The following KCNS1 variants were observed in gnomAD, a reference collection of about 807,000 sequenced individuals.
KCNS1 encodes potassium voltage-gated channel modifier subfamily S member 1.
KCNS1 carries 26 observed loss-of-function variants against 33.1 expected under a neutral mutation model. The observed-to-expected ratio is 0.79, with a 90% CI of 0.58 to 1.09. The LOEUF is 1.09. KCNS1 is among the 50% of genes least tolerant of loss of function. KCNS1 has a pLI of 0.00. For synonymous variants in KCNS1, 299 were observed against 338.8 expected (o/e 0.88, Z 1.29); for missense variants, 702 against 752.4 (o/e 0.93, Z 0.78).
Position 45,098,548 on chromosome 20 carries a change from C to A in KCNS1, c.224G>T (p.Arg75Leu). The change falls in exon 3 of 4, where the codon CGG (arginine) becomes CTG (leucine). Residue 75 changes from arginine (R) to leucine (L), a missense_variant. Transcript: ENST00000537075. This position sits in a 1 kb window ranked among gnomAD's most constrained non-coding sequence, Gnocchi z 5.2. ...ARALARFPGT[R>L]LGRLQAAASE... ...CGCCGCGGCCTGCAGGCGGCCCAGC[C>A]GCGTGCCCGGGAAGCGCGCCAGGGC... The A allele has an allele frequency of 2.1e-6, 3 of 1,424,896 alleles. No homozygotes were observed. Among genetic ancestry groups the A allele is most frequent in the Non-Finnish European group, 2.8e-6 (3 of 1,087,586 alleles). The allele number at this position is 1,424,896 out of a possible 1,614,324, so 88.3% of individuals were successfully genotyped here. A position where few individuals can be genotyped will look rare whatever the true frequency, so the allele number is the denominator to read the frequency against.
Position 45,098,789 on chromosome 20 carries a change from G to T in KCNS1, c.77-94C>A, listed in dbSNP as rs370688992. The T allele has an allele frequency of 3.7e-5, 43 of 1,152,466 alleles. No homozygotes were observed. In the African/African-American group the frequency reaches 5.2e-4, roughly 14 times the overall value. The allele number at this position is 1,152,466 out of a possible 1,614,324, so 71.4% of individuals were successfully genotyped here. A position where few individuals can be genotyped will look rare whatever the true frequency, so the allele number is the denominator to read the frequency against. ...CCCTCCTCCATCCAACCAGCCAAGG[G>T]GTGTTGGAGGCTGTGTGTGAAGCAT... is the stretch of plus-strand genomic sequence containing the variant. On this transcript the variant is annotated intron_variant, in intron 2 of 3. Coordinates refer to ENST00000537075, the MANE Select transcript of KCNS1 (RefSeq NM_001322799.2). The surrounding 1 kb of genome is among the most constrained non-coding windows in gnomAD (Gnocchi z 5.2).
rs1981118252 is a variant in KCNS1 at position 45,094,766 on chromosome 20, C to T, written c.*104G>A. 10 of 929,578 alleles carry T rather than the reference C, an allele frequency of 1.1e-5. No homozygotes were observed. The South Asian group carries it at 1.6e-4, about 15-fold the overall frequency. 57.6% of individuals were successfully genotyped at this position (929,578 alleles called of 1,614,324 possible). A position where few individuals can be genotyped will look rare whatever the true frequency, so the allele number is the denominator to read the frequency against. ...AATGCAGCTTTTGAATCTCATTTCT[C>T]AGGACAGCATGAGTGATCCTGGGAG... On this transcript the variant is annotated 3_prime_UTR_variant, in exon 4 of 4. Coordinates refer to ENST00000537075, the MANE Select transcript of KCNS1 (RefSeq NM_001322799.2).
At chr20:45,096,844 C>A (rs1981200536) in intron 3 of KCNS1, among the ~76,000 whole-genome samples, 1 of 152,252 alleles carries the variant, frequency 6.6e-6, no homozygotes, top group African/African-American at 2.4e-5. Context: ...GTGCCCTGCC[C>A]CGCTCGACTC....
chr20:45,095,065 G>A lies in KCNS1; in HGVS notation c.1386C>T (p.His462=), dbSNP rs778788520. The change falls in exon 4 of 4, where the codon CAC becomes CAT. Residue 462 remains histidine, a synonymous_variant. Transcript: ENST00000537075. ...CCAGAGCCTTCTGGCGCCGGTAGAA[G>A]TGGGAGAACTTGTTGAAGATGATGG... ...PITIIFNKFS[H]FYRRQKALEA... 4 of 1,614,092 alleles carry A rather than the reference G, an allele frequency of 2.5e-6. No individual in the cohort carries two copies. Among genetic ancestry groups the A allele is most frequent in the South Asian group, 2.2e-5 (2 of 91,086 alleles).
chr20:45,095,461 C>T (rs1041890547), intron 3 of KCNS1, 121 bp from the exon 4 acceptor site: 1 of 905,908 alleles, frequency 1.1e-6, no homozygotes, highest in Non-Finnish European at 1.6e-6. Context: ...CAAGATAGAG[C>T]TGGTGCTAAG....
intron 3 of KCNS1, among the ~76,000 whole-genome samples, chr20:45,095,665 C>A (rs780171421): frequency 1.6e-4 from 24 of 152,192 alleles, no homozygotes; most frequent in Non-Finnish European, 2.9e-4. Flanking sequence ...TGTTGCAGAA[C>A]CAAGAGAACC....
At position 45,098,667 on chromosome 20, in the gene KCNS1, C is replaced by A; in HGVS notation, c.105G>T (p.Glu35Asp). The A allele has an allele frequency of 2.1e-6, 3 of 1,452,374 alleles. No individual in the cohort carries two copies. Among genetic ancestry groups the A allele is most frequent in the South Asian group, 1.5e-5 (1 of 66,704 alleles). The allele number at this position is 1,452,374 out of a possible 1,614,324, so 90.0% of individuals were successfully genotyped here. ...GGRSTETFVS[E>D]FPGPDTGIRW... is the part of the protein sequence containing the mutation. ...GGATCCCGGTGTCGGGGCCCGGGAA[C>A]TCGCTCACAAAGGTTTCAGTGCTCC... The change falls in exon 3 of 4, where the codon GAG (glutamate) becomes GAT (aspartate). Residue 35 changes from glutamate to aspartate, a missense_variant. Glu to Asp is a conservative substitution (Grantham distance 45). This residue lies in a region of KCNS1 where 374 missense variants were observed against 352.3 expected (regional missense o/e 1.06). Coordinates refer to ENST00000537075, the MANE Select transcript of KCNS1 (RefSeq NM_001322799.2). The surrounding 1 kb of genome is among the most constrained non-coding windows in gnomAD (Gnocchi z 5.2).
Position 45,098,690 on chromosome 20 carries a change from T to G in KCNS1, c.82A>C (p.Ser28Arg). 1.4e-6 allele frequency: 2 copies of G among 1,423,636 alleles called. No homozygotes were observed. Among genetic ancestry groups the G allele is most frequent in the Non-Finnish European group, 1.8e-6 (2 of 1,091,802 alleles). The allele number at this position is 1,423,636 out of a possible 1,614,324, so 88.2% of individuals were successfully genotyped here. ...VVLPTPLGGR[S>R]TETFVSEFPG... Reference sequence around the variant, plus strand: ...AACTCGCTCACAAAGGTTTCAGTGCTCCTCCCTGCGGACACCAGAAGGGCG... The same window carrying G: ...AACTCGCTCACAAAGGTTTCAGTGCGCCTCCCTGCGGACACCAGAAGGGCG... The change falls in exon 3 of 4, where the codon AGC becomes CGC. Residue 28 changes from serine to arginine, a missense_variant. Physicochemically the swap from Ser to Arg is moderately radical, Grantham distance 110 (BLOSUM62 -1). Coordinates refer to ENST00000537075, the MANE Select transcript of KCNS1 (RefSeq NM_001322799.2). This position sits in a 1 kb window ranked among gnomAD's most constrained non-coding sequence, Gnocchi z 5.2.
In KCNS1 at chr20:45,091,852, G is replaced by A. The variant is rs1981008796; in HGVS notation, c.*3018C>T. Among the ~76,000 whole-genome samples, 1 of 152,160 alleles carries A rather than the reference G, an allele frequency of 6.6e-6. No homozygotes were observed. Among genetic ancestry groups the A allele is most frequent in the South Asian group, 2.1e-4 (1 of 4,834 alleles). On this transcript the variant is annotated 3_prime_UTR_variant, in exon 4 of 4. Coordinates refer to ENST00000537075, the MANE Select transcript of KCNS1 (RefSeq NM_001322799.2). ...CACCACAAACTAGAAGAGAAAAGGA[G>A]AGGGTTTCCCCCTGGAGTCTCCAGA... is the stretch of plus-strand genomic sequence containing the variant.
intron 1 of KCNS1, among the ~76,000 whole-genome samples, chr20:45,100,590 C>A (rs1981359121): frequency 6.6e-6 from 1 of 152,258 alleles, no homozygotes; most frequent in Admixed American, 6.5e-5. Flanking sequence ...GGTTGGAGAC[C>A]AGGTTTTTTT....
Position 45,093,074 on chromosome 20 carries a change from G to A in KCNS1, c.*1796C>T, listed in dbSNP as rs530036118. ...TCAGAGTGGCTGGGCATAACACAAC[G>A]GCATGTGTGTCTGTTTGTGGGTGGC... On this transcript the variant is annotated 3_prime_UTR_variant, in exon 4 of 4. Coordinates refer to ENST00000537075, the MANE Select transcript of KCNS1 (RefSeq NM_001322799.2). 6 of 151,944 alleles carry A rather than the reference G, an allele frequency of 3.9e-5. No homozygotes were observed. Among genetic ancestry groups the A allele is most frequent in the Non-Finnish European group, 5.9e-5 (4 of 68,020 alleles). The allele number at this position is 151,944 out of a possible 1,614,324, so 9.4% of individuals were successfully genotyped here.
At chr20:45,096,323 T>G (rs1981183502) in intron 3 of KCNS1, among the ~76,000 whole-genome samples, 1 of 152,090 alleles carries the variant, frequency 6.6e-6, no homozygotes, top group Non-Finnish European at 1.5e-5. Context: ...GTAATACTCT[T>G]CTCCCCTACT....
At chr20:45,099,305 G>A (rs574187360) in intron 1 of KCNS1, 66 bp from the exon 2 acceptor site, 13 of 860,798 alleles carry the variant, frequency 1.5e-5, no homozygotes, top group Non-Finnish European at 2.1e-5. Context: ...GAACTCTAAG[G>A]GTGGGGTCTA....
Position 45,091,471 on chromosome 20 carries a change from T to A in KCNS1, c.*3399A>T, listed in dbSNP as rs1237640010. ...GCTACTGAGGTCCCTAGAGCTCCCC[T>A]CATTCCTGTATTTCCTGAGGCCTCG... On this transcript the variant is annotated 3_prime_UTR_variant, in exon 4 of 4. Coordinates refer to ENST00000537075, the MANE Select transcript of KCNS1 (RefSeq NM_001322799.2). Among the ~76,000 whole-genome samples the A allele has an allele frequency of 6.6e-6, 1 of 152,184 alleles. No homozygotes were observed. The highest frequency in any genetic ancestry group is 1.5e-5 in the Non-Finnish European group (1 of 68,028).
In KCNS1 at chr20:45,098,516, C is replaced by A; in HGVS notation, c.256G>T (p.Glu86Ter). 1.3e-6 allele frequency: 2 copies of A among 1,513,312 alleles called. No individual in the cohort carries two copies. The allele number at this position is 1,513,312 out of a possible 1,614,324, so 93.7% of individuals were successfully genotyped here. ...LGRLQAAASE[E>*]QARRLCDDYD... ...TCGTCGCACAGGCGCCGCGCCTGCT[C>A]CTCCGACGCCGCGGCCTGCAGGCGG... The change falls in exon 3 of 4, where the codon GAG (glutamate) becomes TAG (stop). Residue 86 changes from glutamate to a stop codon, truncating the protein, a stop_gained. Transcript: ENST00000537075. LOFTEE classifies it high-confidence loss of function. The surrounding 1 kb of genome is among the most constrained non-coding windows in gnomAD (Gnocchi z 5.2).
Position 45,094,855 on chromosome 20 carries a change from C to T in KCNS1, c.*15G>A, listed in dbSNP as rs774404311. The stretch of plus-strand genomic sequence containing the variant: ...CTACTGTAGGGGCATGGCAGGGGGT[C>T]ACGGATCCCTGGTTTTAATACATCT... On this transcript the variant is annotated 3_prime_UTR_variant, in exon 4 of 4. Coordinates refer to ENST00000537075, the MANE Select transcript of KCNS1 (RefSeq NM_001322799.2). 1.9e-6 allele frequency: 3 copies of T among 1,589,302 alleles called. No homozygotes were observed. In the East Asian group the frequency reaches 6.7e-5, roughly 36 times the overall value.
chr20:45,092,172 C>T lies in KCNS1; in HGVS notation c.*2698G>A, dbSNP rs1373278001. The T allele has an allele frequency of 6.6e-6, 1 of 152,118 alleles. No homozygotes were observed. Among genetic ancestry groups the T allele is most frequent in the Non-Finnish European group, 1.5e-5 (1 of 68,020 alleles). 9.4% of individuals were successfully genotyped at this position (152,118 alleles called of 1,614,324 possible). A position where few individuals can be genotyped will look rare whatever the true frequency, so the allele number is the denominator to read the frequency against. ...CACTTGCAACCTGTTCTGGCTGGCACAACCACAAAGTTTGTGCCAAATCCA... is the reference window on the plus strand; with the variant it reads ...CACTTGCAACCTGTTCTGGCTGGCATAACCACAAAGTTTGTGCCAAATCCA... On this transcript the variant is annotated 3_prime_UTR_variant, in exon 4 of 4. Coordinates refer to ENST00000537075, the MANE Select transcript of KCNS1 (RefSeq NM_001322799.2).
Position 45,098,004 on chromosome 20 carries a change from C to G in KCNS1, c.768G>C (p.Ala256=), listed in dbSNP as rs541155099. The G allele has an allele frequency of 4.1e-5, 63 of 1,519,444 alleles. No homozygotes were observed. The South Asian group carries it at 7.5e-4, about 18-fold the overall frequency. 94.1% of individuals were successfully genotyped at this position (1,519,444 alleles called of 1,614,324 possible). The change falls in exon 3 of 4, where the codon GCG becomes GCC. Residue 256 remains alanine (A), a synonymous_variant. Transcript: ENST00000537075. The surrounding 1 kb of genome is among the most constrained non-coding windows in gnomAD (Gnocchi z 5.2). ...QAREAAAAVA[A]VAAGRSPEGV... ...CTTCCGGGCTGCGGCCCGCGGCCAC[C>G]GCAGCCACGGCGGCCGCCGCCTCGC...
At chr20:45,100,008 G>A (rs116492153) in intron 1 of KCNS1, among the ~76,000 whole-genome samples, 1,530 of 152,282 alleles carry the variant, frequency 0.01, 26 homozygotes, top group African/African-American at 0.034. Context: ...TCCCACTCTG[G>A]GCTTTAGCTC....
Sources: gnomAD v4.1 joint callset for allele counts (sites outside exome capture counted in the v4.1 genomes callset) on GRCh38, gnomAD v4.1.1 for gene constraint, gnomAD v4.1.1 regional missense constraint, Gnocchi (gnomAD v3.1) non-coding constraint, MANE v1.5 for transcripts, NCBI Gene and HGNC (gene_info 2026-07-23, HGNC 2026-07-21) for gene names.